MAP2: variants seen among roughly 807,000 people sequenced by gnomAD.
MAP2 encodes microtubule-associated protein 2.
MAP2 carries 14 observed loss-of-function variants against 137.6 expected under a neutral mutation model. That is an observed-to-expected ratio of 0.10 (90% CI 0.07 to 0.16). The LOEUF (loss-of-function observed/expected upper bound fraction) is 0.16, where lower values mean the gene tolerates loss of function less well. MAP2 is among the 10% of genes least tolerant of loss of function. MAP2 has a pLI of 1.00. For missense variants in MAP2, 2,088 were observed against 2,191.5 expected, an observed-to-expected ratio of 0.95 and a Z score of 0.94; for synonymous variants, 786 against 782.3, an observed-to-expected ratio of 1.00 and a Z score of -0.08.
At chr2:209,429,495 C>T (rs550793481) in intron 1 of MAP2, among the ~76,000 whole-genome samples, 2 of 152,126 alleles carry the variant, frequency 1.3e-5, no homozygotes, top group African/African-American at 4.8e-5. Context: ...ATGAACTACT[C>T]TATGAGCAAT....
intron 3 of MAP2, among the ~76,000 whole-genome samples, chr2:209,622,818 G>A (rs2091522027): frequency 6.6e-6 from 1 of 151,902 alleles, no homozygotes; most frequent in Non-Finnish European, 1.5e-5. Flanking sequence ...GAAAATTATA[G>A]TTATTTCTAT....
intron 1 of MAP2, among the ~76,000 whole-genome samples, chr2:209,476,987 A>G (rs1707411775): frequency 6.6e-6 from 1 of 152,192 alleles, no homozygotes; most frequent in Non-Finnish European, 1.5e-5. Flanking sequence ...TTTCTTTTTA[A>G]ACAAGGCCAA....
intron 4 of MAP2, among the ~76,000 whole-genome samples, chr2:209,643,765 C>T (rs2094207351): frequency 6.6e-6 from 1 of 152,164 alleles, no homozygotes; most frequent in Non-Finnish European, 1.5e-5. Flanking sequence ...TTAGGCACAA[C>T]AGAGCACTGC....
chr2:209,541,935 A>G (rs1051667401), intron 2 of MAP2, among the ~76,000 whole-genome samples: 3 of 152,220 alleles, frequency 2.0e-5, no homozygotes, highest in African/African-American at 4.8e-5. Flanking sequence ...TTGACCTCCT[A>G]CCATGAATCA....
At chr2:209,699,790 C>T (rs1440801748) in intron 10 of MAP2, among the ~76,000 whole-genome samples, 2 of 152,166 alleles carry the variant, frequency 1.3e-5, no homozygotes, top group African/African-American at 2.4e-5. Context: ...CTGATCATGA[C>T]AGTTTGAAAT....
At chr2:209,673,123 A>C (rs1033908492) in intron 5 of MAP2, among the ~76,000 whole-genome samples, 3 of 151,780 alleles carry the variant, frequency 2.0e-5, no homozygotes, top group Non-Finnish European at 4.4e-5. Context: ...GCTATCATCT[A>C]TTGCTCTGTT....
chr2:209,554,957 T>A (rs150446578), intron 2 of MAP2, among the ~76,000 whole-genome samples: 1,515 of 146,534 alleles, frequency 0.01, 16 homozygotes, highest in African/African-American at 0.026. Context: ...TATATTATTT[T>A]TATATATATA....
At chr2:209,506,887 A>C (rs890092571) in intron 1 of MAP2, among the ~76,000 whole-genome samples, 1 of 152,202 alleles carries the variant, frequency 6.6e-6, no homozygotes, top group African/African-American at 2.4e-5. Context: ...TCTAACAAAC[A>C]TAAAAGAACA....
At chr2:209,533,332 A>G (rs923070768) in intron 2 of MAP2, among the ~76,000 whole-genome samples, 7 of 152,046 alleles carry the variant, frequency 4.6e-5, no homozygotes, top group African/African-American at 1.7e-4. Flanking sequence ...TTTAGTAAAG[A>G]TGGGGTTTCA....
At chr2:209,462,036 A>G (rs1341413672) in intron 1 of MAP2, among the ~76,000 whole-genome samples, 1 of 152,120 alleles carries the variant, frequency 6.6e-6, no homozygotes, top group Non-Finnish European at 1.5e-5. Context: ...TTATTTTATG[A>G]GTCATCACAC....
At chr2:209,665,119 C>T (rs2045718404) in intron 5 of MAP2, among the ~76,000 whole-genome samples, 1 of 151,956 alleles carries the variant, frequency 6.6e-6, no homozygotes, top group Non-Finnish European at 1.5e-5. Context: ...CTCCAAAATA[C>T]TGTAGTGAAA....
At chr2:209,499,545 A>T (rs1030165899) in intron 1 of MAP2, among the ~76,000 whole-genome samples, 2 of 152,166 alleles carry the variant, frequency 1.3e-5, no homozygotes, top group Non-Finnish European at 2.9e-5. Context: ...TCTTCAGTTC[A>T]ATGTATTAGG....
intron 1 of MAP2, among the ~76,000 whole-genome samples, chr2:209,427,817 T>C (rs1331036388): frequency 6.6e-6 from 1 of 151,772 alleles, no homozygotes; most frequent in Admixed American, 6.6e-5. Context: ...AGGGAGACAG[T>C]CTGTATGAAG....
At chr2:209,607,529 G>A (rs536205177) in intron 3 of MAP2, among the ~76,000 whole-genome samples, 24 of 152,320 alleles carry the variant, frequency 1.6e-4, no homozygotes, top group African/African-American at 5.8e-4. Context: ...CTGCCTCCTG[G>A]TTTCAAGTGA....
At chr2:209,554,731 G>A (rs1250839239) in intron 2 of MAP2, among the ~76,000 whole-genome samples, 2 of 151,700 alleles carry the variant, frequency 1.3e-5, no homozygotes, top group Non-Finnish European at 2.9e-5. Context: ...CACCAGCCTA[G>A]GCAACAGAGA....
chr2:209,495,837 C>A lies in MAP2; in HGVS notation c.-221-11755C>A, dbSNP rs1246537227. Among the ~76,000 whole-genome samples, 4 of 152,138 alleles carry A rather than the reference C, an allele frequency of 2.6e-5. No individual in the cohort carries two copies. The East Asian group carries it at 7.7e-4, about 29-fold the overall frequency. On this transcript the variant is annotated intron_variant, in intron 1 of 15. Coordinates refer to ENST00000682079, the MANE Select transcript of MAP2 (RefSeq NM_001375505.1). ...GTTTTGTATTAGAATGGTACTCTAG[C>A]CTTCATAAAACAAATTCCATGATTT... is the stretch of plus-strand genomic sequence containing the variant.
At chr2:209,562,319 G>C (rs2072305660) in intron 2 of MAP2, among the ~76,000 whole-genome samples, 1 of 151,636 alleles carries the variant, frequency 6.6e-6, no homozygotes, top group South Asian at 2.1e-4. Flanking sequence ...AATTTAAGAG[G>C]GTAAGATATC....
At chr2:209,501,843 C>G (rs1025764263) in intron 1 of MAP2, among the ~76,000 whole-genome samples, 9 of 152,066 alleles carry the variant, frequency 5.9e-5, no homozygotes, top group African/African-American at 1.7e-4. Context: ...GCTCCTGGCA[C>G]TGCAAATGAA....
At chr2:209,502,636 C>T (rs1223303807) in intron 1 of MAP2, among the ~76,000 whole-genome samples, 1 of 152,116 alleles carries the variant, frequency 6.6e-6, no homozygotes, top group Non-Finnish European at 1.5e-5. Flanking sequence ...ATTGTAGTTC[C>T]CTTTTTAATT....
Sources: allele counts gnomAD v4.1 joint callset (sites outside exome capture counted in the v4.1 genomes callset), GRCh38; gene constraint gnomAD v4.1.1; transcripts MANE v1.5; gene names NCBI Gene and HGNC (gene_info 2026-07-23, HGNC 2026-07-21).